The following PMAIP1 variants were observed in gnomAD, a reference collection of about 807,000 sequenced individuals.
The protein encoded by PMAIP1 is PMA-induced protein 1.
Under a neutral mutation model 3.7 loss-of-function variants are expected in PMAIP1, and 3 were observed. The ratio of observed to expected loss-of-function variants is 0.82; its 90% confidence interval spans 0.37 to 2.12. PMAIP1 has a LOEUF of 2.12. Ranked by LOEUF, PMAIP1 falls within the 30% of genes most tolerant of loss-of-function variation. PMAIP1 has a pLI of 0.06. For missense variants in PMAIP1, 77 were observed against 67.1 expected (o/e 1.15, Z -0.52); for synonymous variants, 29 against 26.2 (o/e 1.11, Z -0.32).
In PMAIP1 at chr18:59,903,056, G is replaced by A. The variant is rs1043023863; in HGVS notation, c.*303G>A. On this transcript the variant is annotated 3_prime_UTR_variant, in exon 2 of 2. Transcript: ENST00000316660. ...ACATTTCTTTTTTACTTAGAGAATC[G>A]TTCTAGTGTTTTTGCCGAAGATTAC... 5.6e-5 allele frequency: 33 copies of A among 587,860 alleles called. No homozygotes were observed. Among genetic ancestry groups the A allele is most frequent in the East Asian group, 3.7e-4 (13 of 35,336 alleles). 36.4% of individuals were successfully genotyped at this position (587,860 alleles called of 1,614,324 possible). A position where few individuals can be genotyped will look rare whatever the true frequency, so the allele number is the denominator to read the frequency against.
chr18:59,901,040 G>A (rs1599209397), intron 1 of PMAIP1, among the ~76,000 whole-genome samples: 1 of 152,170 alleles, frequency 6.6e-6, no homozygotes, highest in Admixed American at 6.6e-5. Context: ...CCATGCCTAA[G>A]TTGGTAACAG....
rs751162307 is a variant in PMAIP1 at position 59,902,806 on chromosome 18, G to A, written c.*53G>A. Reference sequence around the variant, plus strand: ...TCCTTCAAAAGAGTTTTCTCAGGAGGTGCACGTTTCATCAATTTGAAGAAA... The same window carrying A: ...TCCTTCAAAAGAGTTTTCTCAGGAGATGCACGTTTCATCAATTTGAAGAAA... On this transcript the variant is annotated 3_prime_UTR_variant, in exon 2 of 2. Coordinates refer to ENST00000316660, the MANE Select transcript of PMAIP1 (RefSeq NM_021127.3). 1.2e-6 allele frequency: 2 copies of A among 1,613,422 alleles called. No homozygotes were observed. Among genetic ancestry groups the A allele is most frequent in the Non-Finnish European group, 1.7e-6 (2 of 1,179,596 alleles).
intron 1 of PMAIP1, among the ~76,000 whole-genome samples, chr18:59,901,551 G>A (rs1362917116): frequency 6.6e-6 from 1 of 152,158 alleles, no homozygotes; most frequent in Non-Finnish European, 1.5e-5. Flanking sequence ...CTCACTTCTT[G>A]TAGAGAGAAA....
rs2055784843 is a variant in PMAIP1 at position 59,903,080 on chromosome 18, A to G, written c.*327A>G. The G allele has an allele frequency of 1.9e-5, 11 of 567,066 alleles. No homozygotes were observed. Among genetic ancestry groups the G allele is most frequent in the Non-Finnish European group, 3.4e-5 (11 of 318,846 alleles). 35.1% of individuals were successfully genotyped at this position (567,066 alleles called of 1,614,324 possible). On this transcript the variant is annotated 3_prime_UTR_variant, in exon 2 of 2. Coordinates refer to ENST00000316660, the MANE Select transcript of PMAIP1 (RefSeq NM_021127.3). ...CGTTCTAGTGTTTTTGCCGAAGATT[A>G]CCGCTGGCCTACTGTGAAGGGAGAT...
At position 59,903,664 on chromosome 18, in the gene PMAIP1, A is replaced by G. The variant is rs535025708; in HGVS notation, c.*911A>G. The G allele has an allele frequency of 4.6e-5, 7 of 152,206 alleles. No individual in the cohort carries two copies. Among genetic ancestry groups the G allele is most frequent in the African/African-American group, 1.7e-4 (7 of 41,466 alleles). The allele number at this position is 152,206 out of a possible 1,614,324, so 9.4% of individuals were successfully genotyped here. ...AGGTTCGGAAAATGCTCCTTGTCAC[A>G]TTAGTGTGCATCCTACAAAAAGTGA... On this transcript the variant is annotated 3_prime_UTR_variant, in exon 2 of 2. Coordinates refer to ENST00000316660, the MANE Select transcript of PMAIP1 (RefSeq NM_021127.3).
rs1942918 is a variant in PMAIP1 at position 59,903,110 on chromosome 18, T to C, written c.*357T>C. 7,372 of 526,020 alleles carry C rather than the reference T, an allele frequency of 0.014. 330 individuals are homozygous for C. The highest frequency in any genetic ancestry group is 0.11 in the African/African-American group (5,704 of 52,656). The allele number at this position is 526,020 out of a possible 1,614,324, so 32.6% of individuals were successfully genotyped here. On this transcript the variant is annotated 3_prime_UTR_variant, in exon 2 of 2. Coordinates refer to ENST00000316660, the MANE Select transcript of PMAIP1 (RefSeq NM_021127.3). Reference sequence around the variant, plus strand: ...TGGCCTACTGTGAAGGGAGATGACCTGTGATTAGACTGGGCGGCTGGGGAG... The same window carrying C: ...TGGCCTACTGTGAAGGGAGATGACCCGTGATTAGACTGGGCGGCTGGGGAG...
In PMAIP1 at chr18:59,904,100, T is replaced by A. The variant is rs1206895782; in HGVS notation, c.*1347T>A. 6.6e-6 allele frequency: 1 copy of A among 152,200 alleles called. No homozygotes were observed. The highest frequency in any genetic ancestry group is 1.5e-5 in the Non-Finnish European group (1 of 68,020). The allele number at this position is 152,200 out of a possible 1,614,324, so 9.4% of individuals were successfully genotyped here. A position where few individuals can be genotyped will look rare whatever the true frequency, so the allele number is the denominator to read the frequency against. ...TTAGTTAAAATGTCTTAATGTAGGT[T>A]GTAGTCACTTTAGATGGAAAATTAC... On this transcript the variant is annotated 3_prime_UTR_variant, in exon 2 of 2. Transcript: ENST00000316660.
chr18:59,903,829 T>C lies in PMAIP1; in HGVS notation c.*1076T>C, dbSNP rs1211223020. ...ATGTATACACATACTTACATACTTA[T>C]ATGGGTATCTGTATAGATAATTTGT... On this transcript the variant is annotated 3_prime_UTR_variant, in exon 2 of 2. Transcript: ENST00000316660. 2.6e-5 allele frequency: 4 copies of C among 152,168 alleles called. No individual in the cohort carries two copies. The highest frequency in any genetic ancestry group is 2.0e-4 in the Admixed American group (3 of 15,282). 9.4% of individuals were successfully genotyped at this position (152,168 alleles called of 1,614,324 possible).
In PMAIP1 at chr18:59,900,653, C is replaced by T. The variant is rs2055758613; in HGVS notation, c.58+418C>T. On this transcript the variant is annotated intron_variant, in intron 1 of 1. Coordinates refer to ENST00000316660, the MANE Select transcript of PMAIP1 (RefSeq NM_021127.3). ...GAGAGAGCCCCGGGGACCGCCTGGA[C>T]TCCCAGCGCTTCCAGAGACGGCCCC... 40 of 1,485,210 alleles carry T rather than the reference C, an allele frequency of 2.7e-5. No homozygotes were observed. The South Asian group carries it at 5.0e-4, about 18-fold the overall frequency. 92.0% of individuals were successfully genotyped at this position (1,485,210 alleles called of 1,614,324 possible). A position where few individuals can be genotyped will look rare whatever the true frequency, so the allele number is the denominator to read the frequency against.
chr18:59,900,270 C>CGGGCGG, intron 1 of PMAIP1, 35 bp downstream of exon 1: 1 of 1,533,474 alleles, frequency 6.5e-7, no homozygotes, highest in Non-Finnish European at 8.8e-7. Flanking sequence ...AGACCCAGGC[C>CGGGCGG]GGGCGGGGTC....
rs2055750338 is a variant in PMAIP1 at position 59,900,237 on chromosome 18, T to C, written c.58+2T>C. 10 of 1,546,528 alleles carry C rather than the reference T, an allele frequency of 6.5e-6. No individual in the cohort carries two copies. Among genetic ancestry groups the C allele is most frequent in the Non-Finnish European group, 8.7e-6 (10 of 1,147,880 alleles). On this transcript the variant is annotated splice_donor_variant, in intron 1 of 1. Coordinates refer to ENST00000316660, the MANE Select transcript of PMAIP1 (RefSeq NM_021127.3). LOFTEE classifies it high-confidence loss of function. ...CGAGCCCCGCGCGGGCTCCAGCAGG[T>C]ACCGACCCGCTGGGGCCAGCGAAGA...
At chr18:59,900,364 A>C in intron 1 of PMAIP1, 129 bp downstream of exon 1, 1 of 1,539,454 alleles carries the variant, frequency 6.5e-7, no homozygotes, top group Non-Finnish European at 8.8e-7. Flanking sequence ...AGGTCGGGCC[A>C]GGTCTGTGCC....
In PMAIP1 at chr18:59,902,855, T is replaced by A. The variant is rs1344100592; in HGVS notation, c.*102T>A. 6.3e-7 allele frequency: 1 copy of A among 1,580,372 alleles called. No individual in the cohort carries two copies. Among genetic ancestry groups the A allele is most frequent in the Middle Eastern group, 1.7e-4 (1 of 5,998 alleles). On this transcript the variant is annotated 3_prime_UTR_variant, in exon 2 of 2. Transcript: ENST00000316660. ...AAGACTGCATTGTAATTGAGAGGAA[T>A]GTGAAGGTGCATTCATGGGTGCCCT...
In PMAIP1 at chr18:59,902,872, G is replaced by T; in HGVS notation, c.*119G>T. 6.6e-7 allele frequency: 1 copy of T among 1,524,398 alleles called. No homozygotes were observed. Among genetic ancestry groups the T allele is most frequent in the South Asian group, 1.2e-5 (1 of 85,630 alleles). 94.4% of individuals were successfully genotyped at this position (1,524,398 alleles called of 1,614,324 possible). The stretch of plus-strand genomic sequence containing the variant: ...GAGAGGAATGTGAAGGTGCATTCAT[G>T]GGTGCCCTTGGAAACGGAAGATGGA... On this transcript the variant is annotated 3_prime_UTR_variant, in exon 2 of 2. Transcript: ENST00000316660.
intron 1 of PMAIP1, among the ~76,000 whole-genome samples, chr18:59,900,954 C>G (rs549938183): frequency 6.6e-6 from 1 of 152,156 alleles, no homozygotes; most frequent in South Asian, 2.1e-4. Flanking sequence ...ATTATACGCC[C>G]CCCCCACCTT....
intron 1 of PMAIP1, chr18:59,900,861 G>T: frequency 2.5e-6 from 1 of 395,348 alleles, no homozygotes; most frequent in Non-Finnish European, 4.6e-6. Context: ...CCGGCCCCAT[G>T]CTTTTTCTAA....
At chr18:59,900,507 A>C in intron 1 of PMAIP1, 1 of 1,550,578 alleles carries the variant, frequency 6.4e-7, no homozygotes. Context: ...CCAGGGGCAA[A>C]AAGCTCCTTT....
At position 59,900,099 on chromosome 18, in the gene PMAIP1, C is replaced by A; in HGVS notation, c.-79C>A. ...GGACTGTTCGTGTTCAGCTCGCGTC[C>A]TGCAGCTGTCCGAGGTGCTCCAGTT... On this transcript the variant is annotated 5_prime_UTR_variant, in exon 1 of 2. In the 5' UTR this introduces an upstream ATG that the reference lacks. Transcript: ENST00000316660. 6.8e-7 allele frequency: 1 copy of A among 1,467,516 alleles called. No individual in the cohort carries two copies. Among genetic ancestry groups the A allele is most frequent in the Non-Finnish European group, 9.2e-7 (1 of 1,086,182 alleles). The allele number at this position is 1,467,516 out of a possible 1,614,324, so 90.9% of individuals were successfully genotyped here. A position where few individuals can be genotyped will look rare whatever the true frequency, so the allele number is the denominator to read the frequency against.
chr18:59,902,522 G>A, intron 1 of PMAIP1, 125 bp from the exon 2 acceptor site: 1 of 776,242 alleles, frequency 1.3e-6, no homozygotes, highest in Admixed American at 2.3e-5. Context: ...TGCACATAAA[G>A]CCAAAGTTAA....
Sources: gnomAD v4.1 joint callset for allele counts (sites outside exome capture counted in the v4.1 genomes callset) on GRCh38, gnomAD v4.1.1 for gene constraint, MANE v1.5 for transcripts, NCBI Gene and HGNC (gene_info 2026-07-23, HGNC 2026-07-21) for gene names.